PTPRD: variants seen among roughly 807,000 people sequenced by gnomAD.
PTPRD encodes the protein receptor-type tyrosine-protein phosphatase delta.
Under a neutral mutation model 214.5 loss-of-function variants are expected in PTPRD, and 34 were observed. The ratio of observed to expected loss-of-function variants is 0.16; its 90% confidence interval spans 0.12 to 0.21. PTPRD has a LOEUF of 0.21. PTPRD is among the 10% of genes least tolerant of loss of function. The pLI, the probability that PTPRD is intolerant of heterozygous loss-of-function variation, is 1.00. For missense variants in PTPRD, 2,545 were observed against 2,398.7 expected, an observed-to-expected ratio of 1.06 and a Z score of -1.27; for synonymous variants, 1,128 against 845.7, an observed-to-expected ratio of 1.33 and a Z score of -5.79.
intron 10 of PTPRD, among the ~76,000 whole-genome samples, chr9:9,058,279 C>T (rs192610344): frequency 5.3e-5 from 8 of 151,996 alleles, no homozygotes; most frequent in Admixed American, 2.0e-4. Context: ...GTGTCTTATG[C>T]AATGTCACAA....
At chr9:9,891,025 G>A (rs868568599) in intron 5 of PTPRD, among the ~76,000 whole-genome samples, 10 of 152,156 alleles carry the variant, frequency 6.6e-5, no homozygotes, top group South Asian at 2.1e-4. Flanking sequence ...ATTTTTTCCC[G>A]TCTATAAAAA....
intron 2 of PTPRD, among the ~76,000 whole-genome samples, chr9:10,551,824 A>T (rs946060362): frequency 1.4e-4 from 21 of 152,186 alleles, no homozygotes; most frequent in African/African-American, 5.1e-4. Flanking sequence ...GCATATGCCC[A>T]GAAAAAAAAC....
At chr9:9,160,061 T>C (rs1820385869) in intron 10 of PTPRD, among the ~76,000 whole-genome samples, 2 of 152,108 alleles carry the variant, frequency 1.3e-5, no homozygotes, top group African/African-American at 4.8e-5. Flanking sequence ...TCAAAATGGA[T>C]TAAAGATTTA....
At chr9:8,342,014 C>A (rs1852880659) in intron 39 of PTPRD, 36 bp from the exon 40 acceptor site, 1 of 1,542,866 alleles carries the variant, frequency 6.5e-7, no homozygotes, top group Non-Finnish European at 8.7e-7. Flanking sequence ...CCCAAATAAA[C>A]CTATCAGAAA....
At chr9:8,453,191 T>C (rs2096030789) in intron 33 of PTPRD, among the ~76,000 whole-genome samples, 1 of 152,068 alleles carries the variant, frequency 6.6e-6, no homozygotes, top group African/African-American at 2.4e-5. Context: ...AGGTACGGAG[T>C]CCCACTCTGT....
rs1224210003 is a variant in PTPRD at position 10,083,097 on chromosome 9, CTTTA to C, written c.-544-49311_-544-49308del. On this transcript the variant is annotated intron_variant, in intron 3 of 45. Coordinates refer to ENST00000381196, the MANE Select transcript of PTPRD (RefSeq NM_002839.4). The stretch of plus-strand genomic sequence containing the variant: ...GCATTTTTCCTTCTTCTCTCTGCTT[CTTTA>C]TTTATGATGATATTCTATACCCTAT... Among the ~76,000 whole-genome samples the C allele has an allele frequency of 6.6e-5, 10 of 151,992 alleles. No homozygotes were observed. In the East Asian group the frequency reaches 1.4e-3, roughly 21 times the overall value.
chr9:8,517,721 G>T, intron 21 of PTPRD, 127 bp downstream of exon 21: 1 of 748,388 alleles, frequency 1.3e-6, no homozygotes, highest in Non-Finnish European at 2.2e-6. Context: ...ATCATCTGTT[G>T]CTTTGAAGCC....
intron 14 of PTPRD, among the ~76,000 whole-genome samples, chr9:8,620,275 A>G (rs79885705): frequency 0.12 from 18,747 of 151,990 alleles, 1,337 homozygotes; most frequent in Middle Eastern, 0.19. Context: ...AGATCTTCTA[A>G]TATTTATCTT....
rs761859777 is a variant in PTPRD, at chr9:8,494,007, GACACAC to G, written c.2350-1034_2350-1029del. 8.3e-4 allele frequency among the ~76,000 whole-genome samples: 76 copies of G among 91,618 alleles called. 1 individual carries two copies. Among genetic ancestry groups the G allele is most frequent in the South Asian group, 1.0e-3 (3 of 2,940 alleles). The allele number at this position is 91,618 out of a possible 152,430, so 60.1% of individuals were successfully genotyped here. On this transcript the variant is annotated intron_variant, in intron 26 of 45. Coordinates refer to ENST00000381196, the MANE Select transcript of PTPRD (RefSeq NM_002839.4). Reference sequence around the variant, plus strand: ...ACACACAGACACACACAGACACACAGACACACACACACACACACACACACACACACA... The same window carrying G: ...ACACACAGACACACACAGACACACAGACACACACACACACACACACACACA...
intron 12 of PTPRD, chr9:8,713,926 A>G (rs1184100639): frequency 3.0e-6 from 2 of 674,220 alleles, no homozygotes; most frequent in East Asian, 2.7e-5. Context: ...CCACTGACGC[A>G]TAACTTGGAG....
Position 8,335,656 on chromosome 9 carries a change from G to A in PTPRD, c.5379+3266C>T, listed in dbSNP as rs562352874. The stretch of plus-strand genomic sequence containing the variant: ...AGTTCTGGCCAGGGCAATCAGGCAA[G>A]AGAAAGAAGTAACGGGTATTCAATT... On this transcript the variant is annotated intron_variant, in intron 43 of 45. Transcript: ENST00000381196. Among the ~76,000 whole-genome samples the A allele has an allele frequency of 5.3e-5, 8 of 152,278 alleles. No individual in the cohort carries two copies. The East Asian group carries it at 1.5e-3, about 29-fold the overall frequency.
chr9:9,106,036 G>A (rs1051086882), intron 10 of PTPRD, among the ~76,000 whole-genome samples: 1 of 152,070 alleles, frequency 6.6e-6, no homozygotes, highest in African/African-American at 2.4e-5. Context: ...AAAAGGGGGG[G>A]TCGATGGCTG....
chr9:8,353,963 T>G (rs1564203441), intron 39 of PTPRD, among the ~76,000 whole-genome samples: 5 of 51,254 alleles, frequency 9.8e-5, no homozygotes, highest in Admixed American at 1.7e-4. Context: ...TATATATATA[T>G]GTTTTTTTTT....
intron 8 of PTPRD, among the ~76,000 whole-genome samples, chr9:9,461,996 C>G (rs769478177): frequency 5.9e-5 from 9 of 152,112 alleles, no homozygotes; most frequent in Non-Finnish European, 1.3e-4. Context: ...TTGTTGTAAT[C>G]TATTATAGTA....
intron 14 of PTPRD, among the ~76,000 whole-genome samples, chr9:8,544,423 T>C (rs2079368894): frequency 6.7e-6 from 1 of 149,906 alleles, no homozygotes; most frequent in Admixed American, 6.7e-5. Flanking sequence ...GCTTTTGCCA[T>C]TGATATGAGC....
At chr9:8,940,763 C>T (rs1330636720) in intron 11 of PTPRD, among the ~76,000 whole-genome samples, 1 of 151,954 alleles carries the variant, frequency 6.6e-6, no homozygotes, top group Non-Finnish European at 1.5e-5. Context: ...CTTCACTACC[C>T]CTTTCAGTAC....
chr9:9,822,610 T>A (rs181356405), intron 5 of PTPRD, among the ~76,000 whole-genome samples: 18 of 151,300 alleles, frequency 1.2e-4, no homozygotes, highest in Admixed American at 6.6e-4. Flanking sequence ...TTATTTGTAA[T>A]GTTATTTTTT....
intron 11 of PTPRD, among the ~76,000 whole-genome samples, chr9:8,909,280 A>G (rs1038825905): frequency 1.3e-5 from 2 of 152,140 alleles, no homozygotes; most frequent in African/African-American, 4.8e-5. Flanking sequence ...TTATGCTGAT[A>G]CCAGAACCAA....
intron 8 of PTPRD, among the ~76,000 whole-genome samples, chr9:9,482,916 T>C (rs977725395): frequency 6.6e-6 from 1 of 152,182 alleles, no homozygotes; most frequent in Non-Finnish European, 1.5e-5. Context: ...TTCTAACATG[T>C]AGACGCTACT....
Sources: allele counts gnomAD v4.1 joint callset (sites outside exome capture counted in the v4.1 genomes callset), GRCh38; gene constraint gnomAD v4.1.1; transcripts MANE v1.5; gene names NCBI Gene and HGNC (gene_info 2026-07-23, HGNC 2026-07-21).